ABCB4: variants seen among roughly 807,000 people sequenced by gnomAD.
ABCB4 encodes the protein ATP binding cassette subfamily B member 4.
Under a neutral mutation model 145.7 loss-of-function variants are expected in ABCB4, and 76 were observed. The observed-to-expected ratio is 0.52, with a 90% CI of 0.43 to 0.63. ABCB4 has a LOEUF of 0.63. ABCB4 is among the 30% of genes least tolerant of loss of function. ABCB4 has a pLI of 0.00. For missense variants in ABCB4, 1,234 were observed against 1,553.1 expected (o/e 0.79, Z 3.45); for synonymous variants, 517 against 566.8 (o/e 0.91, Z 1.25).
At chr7:87,371,218 T>C in the ABCB4 span, among the ~76,000 whole-genome samples, 8 of 152,342 alleles carry the variant, frequency 5.3e-5, no homozygotes, top group African/African-American at 1.9e-4. Flanking sequence ...TTTACGTTTG[T>C]ATTTATAGTC....
At chr7:87,411,648 A>G (rs1427692259) in intron 23 of ABCB4, among the ~76,000 whole-genome samples, 1 of 152,198 alleles carries the variant, frequency 6.6e-6, no homozygotes, top group African/African-American at 2.4e-5. Flanking sequence ...CCAGGATCAT[A>G]TGTACAACTA....
At chr7:87,468,884 T>A (rs1337687813) in intron 3 of ABCB4, among the ~76,000 whole-genome samples, 1 of 143,432 alleles carries the variant, frequency 7.0e-6, no homozygotes, top group Non-Finnish European at 1.5e-5. Context: ...TGAGCCCAGA[T>A]AGCGCCACTA....
At position 87,402,298 on chromosome 7, in the gene ABCB4, A is replaced by T. The variant is rs1301715039; in HGVS notation, c.3638T>A (p.Val1213Asp). ...SALDTESEKVVQEALDKAREG... is the reference protein window; with the variant it reads ...SALDTESEKVDQEALDKAREG... ...TCTGGCTTTGTCCAGGGCTTCTTGG[A>T]CAACCTATTGATAAATCAGACAGAC... The change falls in exon 28 of 28, where the codon GTC (valine) becomes GAC (aspartate). Residue 1213 changes from valine (V) to aspartate (D), a missense_variant. Around this residue, in one of 7 missense-constraint regions of ABCB4, gnomAD observed 6 missense variants for 31.3 expected, o/e 0.19. Coordinates refer to ENST00000649586, the MANE Select transcript of ABCB4 (RefSeq NM_000443.4). The T allele has an allele frequency of 6.2e-7, 1 of 1,613,874 alleles. No homozygotes were observed. The highest frequency in any genetic ancestry group is 8.5e-7 in the Non-Finnish European group (1 of 1,179,896).
chr7:87,382,651 A>T, the ABCB4 span: 3 of 1,110,402 alleles, frequency 2.7e-6, no homozygotes, highest in Non-Finnish European at 3.9e-6. Flanking sequence ...CTTTTTTCCC[A>T]GCTGGTACTG....
intron 9 of ABCB4, among the ~76,000 whole-genome samples, chr7:87,445,409 A>C (rs777204095): frequency 1.6e-4 from 24 of 152,212 alleles, no homozygotes; most frequent in Non-Finnish European, 3.4e-4. Flanking sequence ...AAAGATTTTT[A>C]ACATAAAAAG....
intron 13 of ABCB4, 150 bp from the exon 14 acceptor site, chr7:87,439,987 T>C (rs1810861833): frequency 7.9e-7 from 1 of 1,267,792 alleles, no homozygotes; most frequent in African/African-American, 1.5e-5. Flanking sequence ...TTCTGAATTA[T>C]AAAAAACTGA....
chr7:87,378,055 G>T, the ABCB4 span, among the ~76,000 whole-genome samples: 1 of 151,934 alleles, frequency 6.6e-6, no homozygotes, highest in Non-Finnish European at 1.5e-5. Context: ...TTTATAAAGG[G>T]GTTTGGGGCT....
At chr7:87,463,305 T>C (rs1032770424) in intron 3 of ABCB4, among the ~76,000 whole-genome samples, 1 of 151,818 alleles carries the variant, frequency 6.6e-6, no homozygotes, top group African/African-American at 2.4e-5. Flanking sequence ...ATTCAGAATA[T>C]TTCAGAGGGA....
intron 9 of ABCB4, among the ~76,000 whole-genome samples, chr7:87,445,619 A>AG (rs1811293960): frequency 6.9e-6 from 1 of 145,024 alleles, no homozygotes; most frequent in South Asian, 2.3e-4. Flanking sequence ...AACTTAACTG[A>AG]GAAAAACATA....
chr7:87,453,812 T>C (rs912300035), intron 5 of ABCB4, among the ~76,000 whole-genome samples: 1 of 152,214 alleles, frequency 6.6e-6, no homozygotes, highest in Non-Finnish European at 1.5e-5. Context: ...AGTTCACTAC[T>C]ATTTACATAT....
At chr7:87,452,367 CT>C (rs1052575370) in intron 6 of ABCB4, 1 of 156,734 alleles carries the variant, frequency 6.4e-6, no homozygotes, top group African/African-American at 2.6e-5. Flanking sequence ...CCCTAAATGT[CT>C]TGCTTTTCCC....
chr7:87,424,529 G>T (rs995578917), intron 16 of ABCB4, among the ~76,000 whole-genome samples: 4 of 152,164 alleles, frequency 2.6e-5, no homozygotes, highest in African/African-American at 9.7e-5. Context: ...CTTTGCAAAT[G>T]TAGGAAACCA....
chr7:87,424,417 C>T (rs45599833), intron 16 of ABCB4, among the ~76,000 whole-genome samples: 3 of 152,198 alleles, frequency 2.0e-5, no homozygotes, highest in African/African-American at 2.4e-5. Flanking sequence ...CCACATAAGC[C>T]GAGCTGCAGT....
chr7:87,437,999 T>C lies in ABCB4; in HGVS notation c.1731+1668A>G, dbSNP rs567433623. On this transcript the variant is annotated intron_variant, in intron 14 of 27. Transcript: ENST00000649586. ...TACTAAAACTTGCAAGATCACAGTTTTTCTGGCAGAGGTCATATTATGAAA... is the reference window on the plus strand; with the variant it reads ...TACTAAAACTTGCAAGATCACAGTTCTTCTGGCAGAGGTCATATTATGAAA... Among the ~76,000 whole-genome samples the C allele has an allele frequency of 1.2e-4, 19 of 152,328 alleles. No individual in the cohort carries two copies. The East Asian group carries it at 3.7e-3, about 29-fold the overall frequency.
rs115043985 is a variant in ABCB4, at chr7:87,462,982, G to A, written c.136-74C>T. 3.2e-3 allele frequency: 4,442 copies of A among 1,386,100 alleles called. 69 individuals are homozygous for A. The African/African-American group carries it at 0.04, about 12-fold the overall frequency. The allele number at this position is 1,386,100 out of a possible 1,614,324, so 85.9% of individuals were successfully genotyped here. ...CTCTTCCATAATTATATATTCTTTGGATTTTTATTTAAAGTCAGTACTTTT... is the reference window on the plus strand; with the variant it reads ...CTCTTCCATAATTATATATTCTTTGAATTTTTATTTAAAGTCAGTACTTTT... On this transcript the variant is annotated intron_variant, in intron 3 of 27. Transcript: ENST00000649586.
the ABCB4 span, among the ~76,000 whole-genome samples, chr7:87,380,754 T>C: frequency 2.0e-5 from 3 of 152,244 alleles, no homozygotes; most frequent in Non-Finnish European, 4.4e-5. Context: ...TCTTGCTATT[T>C]CCTACTGGCT....
At chr7:87,384,547 A>C in the ABCB4 span, among the ~76,000 whole-genome samples, 1 of 152,180 alleles carries the variant, frequency 6.6e-6, no homozygotes, top group African/African-American at 2.4e-5. Flanking sequence ...AACAAAAAAG[A>C]TTATTTGTCC....
the ABCB4 span, chr7:87,375,344 C>A: frequency 3.3e-6 from 1 of 300,822 alleles, no homozygotes. Context: ...TTACTTGCAA[C>A]CTAGAAGTGC....
the ABCB4 span, among the ~76,000 whole-genome samples, chr7:87,393,518 G>A: frequency 6.6e-6 from 1 of 152,244 alleles, no homozygotes; most frequent in East Asian, 1.9e-4. Flanking sequence ...TGGGCTGTGT[G>A]GAGTTTGACT....
Sources: allele counts gnomAD v4.1 joint callset (sites outside exome capture counted in the v4.1 genomes callset), GRCh38; gene constraint gnomAD v4.1.1; regional missense constraint gnomAD v4.1.1; transcripts MANE v1.5; gene names NCBI Gene and HGNC (gene_info 2026-07-23, HGNC 2026-07-21).